Variants in TRDN observed in about 807,000 individuals in gnomAD.
TRDN encodes the protein triadin in skeletal muscle.
TRDN carries 161 observed loss-of-function variants against 149.7 expected under a neutral mutation model. The observed-to-expected ratio is 1.08, with a 90% confidence interval of 0.95 to 1.23. The LOEUF (loss-of-function observed/expected upper bound fraction) is 1.23, where lower values mean the gene tolerates loss of function less well. Ranked by LOEUF, TRDN falls within the 50% of genes most tolerant of loss-of-function variation. The probability of loss-of-function intolerance (pLI) is 0.00; values close to 1 mark genes in which losing one functional copy is unlikely to be tolerated. For synonymous variants in TRDN, 294 were observed against 250.5 expected (o/e 1.17, Z -1.64); for missense variants, 896 against 823.5 (o/e 1.09, Z -1.08).
chr6:123,375,684 T>G (rs1766032876), intron 18 of TRDN, 53 bp from the exon 19 acceptor site: 1 of 1,325,936 alleles, frequency 7.5e-7, no homozygotes. Context: ...TCTGCTTATC[T>G]CTTTCCAAAA....
At chr6:123,366,454 A>G (rs1781103370) in intron 19 of TRDN, among the ~76,000 whole-genome samples, 1 of 152,192 alleles carries the variant, frequency 6.6e-6, no homozygotes, top group Non-Finnish European at 1.5e-5. Context: ...TATTCCATAG[A>G]CTTTAGATCA....
intron 5 of TRDN, among the ~76,000 whole-genome samples, chr6:123,523,657 A>G (rs986206906): frequency 2.0e-5 from 3 of 152,146 alleles, no homozygotes; most frequent in Admixed American, 6.6e-5. Flanking sequence ...GAGAAAGTAG[A>G]CTAAATTATA....
At chr6:123,592,366 T>C (rs1035655722) in intron 1 of TRDN, among the ~76,000 whole-genome samples, 2 of 152,134 alleles carry the variant, frequency 1.3e-5, no homozygotes, top group Non-Finnish European at 2.9e-5. Flanking sequence ...TAAAGGAGGT[T>C]AAAAAATAAA....
At chr6:123,557,689 C>A (rs772191793) in intron 2 of TRDN, among the ~76,000 whole-genome samples, 2 of 152,030 alleles carry the variant, frequency 1.3e-5, no homozygotes, top group Non-Finnish European at 2.9e-5. Context: ...CACGTGGGAA[C>A]GCCTGTCTTG....
chr6:123,330,874 CA>C (rs1779635528), intron 23 of TRDN, among the ~76,000 whole-genome samples: 1 of 151,986 alleles, frequency 6.6e-6, no homozygotes, highest in Non-Finnish European at 1.5e-5. Context: ...ATACCACTTC[CA>C]ACCCCAATCC....
chr6:123,380,227 A>G (rs1481942372), intron 16 of TRDN, among the ~76,000 whole-genome samples: 1 of 152,214 alleles, frequency 6.6e-6, no homozygotes, highest in Non-Finnish European at 1.5e-5. Flanking sequence ...ATGTTTATTT[A>G]TTAAGTGCAT....
intron 24 of TRDN, among the ~76,000 whole-genome samples, chr6:123,313,659 A>T (rs972913408): frequency 6.6e-6 from 1 of 151,822 alleles, no homozygotes; most frequent in African/African-American, 2.4e-5. Flanking sequence ...CCCAGAGTAC[A>T]AGAACAGAGA....
At position 123,362,690 on chromosome 6, in the gene TRDN, T is replaced by C. The variant is rs140058975; in HGVS notation, c.1321+3445A>G. 5.0e-3 allele frequency among the ~76,000 whole-genome samples: 768 copies of C among 152,310 alleles called. 3 individuals are homozygous for C. Among genetic ancestry groups the C allele is most frequent in the Non-Finnish European group, 8.0e-3 (545 of 68,004 alleles). Reference sequence around the variant, plus strand: ...TTCCGTAGAACTTTACCTGTATTTATATCTCTACCCTGATGGCTTTCAACC... The same window carrying C: ...TTCCGTAGAACTTTACCTGTATTTACATCTCTACCCTGATGGCTTTCAACC... On this transcript the variant is annotated intron_variant, in intron 20 of 40. Coordinates refer to ENST00000334268, the MANE Select transcript of TRDN (RefSeq NM_006073.4).
chr6:123,264,438 G>T (rs1301316589), intron 33 of TRDN, among the ~76,000 whole-genome samples: 1 of 152,136 alleles, frequency 6.6e-6, no homozygotes, highest in Non-Finnish European at 1.5e-5. Flanking sequence ...AACTTGAACA[G>T]ACGAGGAGTT....
Position 123,440,090 on chromosome 6 carries a change from C to T in TRDN, c.932-1087G>A, listed in dbSNP as rs566218206. ...TCCTTAAGTTGTCTACTAATGACTG[C>T]ATCTTATTAAATAGAGGAATTAACT... On this transcript the variant is annotated intron_variant, in intron 10 of 40. Coordinates refer to ENST00000334268, the MANE Select transcript of TRDN (RefSeq NM_006073.4). Among the ~76,000 whole-genome samples, 80 of 152,236 alleles carry T rather than the reference C, an allele frequency of 5.3e-4. 2 individuals are homozygous for T. In the South Asian group the frequency reaches 0.016, roughly 30 times the overall value.
chr6:123,475,753 T>C (rs1301585696), intron 9 of TRDN, among the ~76,000 whole-genome samples: 40 of 141,330 alleles, frequency 2.8e-4, no homozygotes, highest in Admixed American at 2.6e-3. Flanking sequence ...GCTGGTTCAA[T>C]ATACGCAAAT....
At chr6:123,472,938 A>G (rs1176399928) in intron 9 of TRDN, among the ~76,000 whole-genome samples, 1 of 152,210 alleles carries the variant, frequency 6.6e-6, no homozygotes, top group African/African-American at 2.4e-5. Context: ...CCAAAAACCC[A>G]TCTGTACATC....
intron 7 of TRDN, among the ~76,000 whole-genome samples, chr6:123,507,129 T>C (rs1778965945): frequency 1.3e-5 from 2 of 152,116 alleles, no homozygotes; most frequent in African/African-American, 4.8e-5. Context: ...AATATGTGTT[T>C]AGAAATAAAC....
chr6:123,216,909 C>T lies in TRDN; in HGVS notation c.*1692G>A, dbSNP rs1001209019. On this transcript the variant is annotated 3_prime_UTR_variant, in exon 41 of 41. Transcript: ENST00000334268. ...CCATTCTGTTCTATGAAATCTAAAA[C>T]ATCTATCATATTTGCTATTTCTTTA... The T allele has an allele frequency of 2.0e-5, 3 of 151,910 alleles. No homozygotes were observed. The highest frequency in any genetic ancestry group is 7.2e-5 in the African/African-American group (3 of 41,380). 9.4% of individuals were successfully genotyped at this position (151,910 alleles called of 1,614,324 possible).
chr6:123,350,058 G>T (rs1780399590), intron 21 of TRDN: 15 of 982,766 alleles, frequency 1.5e-5, no homozygotes, highest in Non-Finnish European at 1.7e-5. Flanking sequence ...TTTTATTATA[G>T]TGAACTCTGA....
chr6:123,242,462 A>C (rs77610839), intron 38 of TRDN, among the ~76,000 whole-genome samples: 8,069 of 152,180 alleles, frequency 0.053, 631 homozygotes, highest in African/African-American at 0.18. Flanking sequence ...TTTACCATAT[A>C]TACAAAAATA....
chr6:123,362,158 TATC>T (rs1780933152), intron 20 of TRDN, among the ~76,000 whole-genome samples: 1 of 152,194 alleles, frequency 6.6e-6, no homozygotes, highest in Admixed American at 6.5e-5. Flanking sequence ...TCCCAAAGCT[TATC>T]ATCAGTTGTG....
intron 1 of TRDN, among the ~76,000 whole-genome samples, chr6:123,598,182 G>T (rs1347972677): frequency 6.6e-6 from 1 of 151,976 alleles, no homozygotes; most frequent in Non-Finnish European, 1.5e-5. Flanking sequence ...ATCAGGGACT[G>T]ACCCTCCCTT....
intron 31 of TRDN, among the ~76,000 whole-genome samples, chr6:123,268,732 CTG>C (rs1562238786): frequency 6.6e-6 from 1 of 151,964 alleles, no homozygotes; most frequent in African/African-American, 2.4e-5. Flanking sequence ...ACATTAGGAA[CTG>C]ATAGCATTCA....
Sources: allele counts gnomAD v4.1 joint callset (sites outside exome capture counted in the v4.1 genomes callset), GRCh38; gene constraint gnomAD v4.1.1; transcripts MANE v1.5; gene names NCBI Gene and HGNC (gene_info 2026-07-23, HGNC 2026-07-21).